FKBP14: variants seen among roughly 807,000 people sequenced by gnomAD.
FKBP14 encodes the protein FKBP prolyl isomerase 14, also known as peptidyl-prolyl cis-trans isomerase FKBP14.
FKBP14 carries 20 observed loss-of-function variants against 21.6 expected under a neutral mutation model. The observed-to-expected ratio is 0.92, with a 90% CI of 0.65 to 1.34. The LOEUF (loss-of-function observed/expected upper bound fraction) is 1.34. FKBP14 is among the 40% of genes most tolerant of loss of function. The pLI, the probability that FKBP14 is intolerant of heterozygous loss-of-function variation, is 0.00. For missense variants in FKBP14, 253 were observed against 249.0 expected, an observed-to-expected ratio of 1.02 and a Z score of -0.11; for synonymous variants, 79 against 86.7, an observed-to-expected ratio of 0.91 and a Z score of 0.49.
rs772620402 is a variant in FKBP14 at position 30,014,788 on chromosome 7, T to A, written c.583A>T (p.Lys195Ter). The A allele has an allele frequency of 6.2e-7, 1 of 1,611,732 alleles. No individual in the cohort carries two copies. The highest frequency in any genetic ancestry group is 1.1e-5 in the South Asian group (1 of 90,694). The change falls in exon 4 of 4, where the codon AAA (lysine) becomes TAA (stop). Residue 195 changes from lysine to a stop codon, truncating the protein, a stop_gained. Transcript: ENST00000222803. LOFTEE classifies it high-confidence loss of function. ...TCTCTGGCAGATATAAACCCATCTT[T>A]GTCTTCATCTTCTTTATCAAAAATA... ...EDIFDKEDED[K>*]DGFISAREFT...
At chr7:30,024,963 A>G (rs1790135696) in intron 1 of FKBP14, among the ~76,000 whole-genome samples, 1 of 152,204 alleles carries the variant, frequency 6.6e-6, no homozygotes, top group African/African-American at 2.4e-5. Flanking sequence ...CCACCGTGGC[A>G]CTCACCTAGT....
At chr7:30,020,186 A>T in intron 2 of FKBP14, 1 of 1,103,084 alleles carries the variant, frequency 9.1e-7, no homozygotes, top group Non-Finnish European at 1.1e-6. Flanking sequence ...TCCAAAGAGA[A>T]GACTTATAAA....
In FKBP14 at chr7:30,026,505, T is replaced by C; in HGVS notation, c.4A>G (p.Arg2Gly). 1 of 1,607,332 alleles carries C rather than the reference T, an allele frequency of 6.2e-7. No individual in the cohort carries two copies. The highest frequency in any genetic ancestry group is 8.5e-7 in the Non-Finnish European group (1 of 1,177,076). ...AAGACCGCGTTCCACAAGAAAAGCC[T>C]CATGTTGCTGAAGCAAGGAAAGAAG... Reference protein sequence around the residue: MRLFLWNAVLTL... With the variant: MGLFLWNAVLTL... Residue 2 changes from arginine (R) to glycine (G), a missense_variant, in exon 1 of 4, where the codon AGG becomes GGG. Coordinates refer to ENST00000222803, the MANE Select transcript of FKBP14 (RefSeq NM_017946.4).
intron 3 of FKBP14, among the ~76,000 whole-genome samples, chr7:30,016,308 A>G (rs1463357804): frequency 6.6e-6 from 1 of 152,102 alleles, no homozygotes; most frequent in Non-Finnish European, 1.5e-5. Flanking sequence ...ATGTGATTAG[A>G]TTGAGTCTAA....
In FKBP14 at chr7:30,019,005, A is replaced by G. The variant is rs1273014447; in HGVS notation, c.468T>C (p.Ser156=). The change falls in exon 3 of 4, where the codon TCT becomes TCC. Residue 156 remains serine (S), a synonymous_variant. Transcript: ENST00000222803. ...AAGAAGGAAAGGTCACCTCATCTTT[A>G]GAGAGTTTCCAGTCATCATTAAGAT... ...EMDLNDDWKL[S]KDEVKAYLKK... 9.9e-6 allele frequency: 16 copies of G among 1,609,348 alleles called. No individual in the cohort carries two copies. The highest frequency in any genetic ancestry group is 1.4e-5 in the Non-Finnish European group (16 of 1,178,548).
At chr7:30,025,533 T>C (rs910607662) in intron 1 of FKBP14, 1 of 152,214 alleles carries the variant, frequency 6.6e-6, no homozygotes, top group African/African-American at 2.4e-5. Context: ...TTCTGAATCT[T>C]CCTAGCACCC....
chr7:30,010,489 C>T (rs945785067), downstream of FKBP14: 1 of 152,168 alleles, frequency 6.6e-6, no homozygotes, highest in Non-Finnish European at 1.5e-5. Context: ...ACTACCTGTC[C>T]ATCTTCCTCA....
chr7:30,017,406 T>C (rs547856343), intron 3 of FKBP14, among the ~76,000 whole-genome samples: 3 of 151,834 alleles, frequency 2.0e-5, no homozygotes, highest in Non-Finnish European at 4.4e-5. Context: ...CTGTCTCTAT[T>C]AAAAATACGA....
chr7:30,007,754 A>G (rs1789642225), downstream of FKBP14, among the ~76,000 whole-genome samples: 1 of 152,192 alleles, frequency 6.6e-6, no homozygotes, highest in Non-Finnish European at 1.5e-5. Context: ...AAGCATGTTA[A>G]AATGCAGACT....
chr7:30,022,952 T>A (rs1583734662), intron 1 of FKBP14, 136 bp from the exon 2 acceptor site: 1 of 673,008 alleles, frequency 1.5e-6, no homozygotes, highest in East Asian at 2.9e-5. Flanking sequence ...TTTGCACACA[T>A]ACACACACAC....
chr7:30,015,691 T>C lies in FKBP14; in HGVS notation c.478-798A>G, dbSNP rs535067132. The stretch of plus-strand genomic sequence containing the variant: ...CCCAGGCTGGAGTGCAGTGGCGCAA[T>C]CTCGGCTCACTGCAAGCTCCGCCTC... On this transcript the variant is annotated intron_variant, in intron 3 of 3. Transcript: ENST00000222803. Among the ~76,000 whole-genome samples the C allele has an allele frequency of 1.8e-4, 26 of 146,480 alleles. No homozygotes were observed. In the East Asian group the frequency reaches 5.3e-3, roughly 30 times the overall value.
rs1450514692 is a variant in FKBP14, at chr7:30,011,012, T to C, written c.*3723A>G. 1 of 152,016 alleles carries C rather than the reference T, an allele frequency of 6.6e-6. No individual in the cohort carries two copies. Among genetic ancestry groups the C allele is most frequent in the Non-Finnish European group, 1.5e-5 (1 of 68,044 alleles). 9.4% of individuals were successfully genotyped at this position (152,016 alleles called of 1,614,324 possible). On this transcript the variant is annotated 3_prime_UTR_variant, in exon 4 of 4. Transcript: ENST00000222803. ...TAGAAAATTTACAGTAAGCTAAGGT[T>C]AGTTTTTTATTATTTCTATAAAAAT... is the stretch of plus-strand genomic sequence containing the variant.
chr7:30,017,143 T>TG (rs1378246624), intron 3 of FKBP14, among the ~76,000 whole-genome samples: 2 of 151,146 alleles, frequency 1.3e-5, no homozygotes, highest in African/African-American at 4.9e-5. Flanking sequence ...GGTGCAATGG[T>TG]GCATGCTTGT....
chr7:30,018,373 TAA>T (rs1486306491), intron 3 of FKBP14, among the ~76,000 whole-genome samples: 206 of 152,374 alleles, frequency 1.4e-3, no homozygotes, highest in African/African-American at 4.8e-3. Flanking sequence ...GCAGCCAGAC[TAA>T]GACAGGTATG....
At chr7:30,024,153 C>A (rs1015461743) in intron 1 of FKBP14, among the ~76,000 whole-genome samples, 2 of 152,160 alleles carry the variant, frequency 1.3e-5, no homozygotes, top group Non-Finnish European at 2.9e-5. Flanking sequence ...CTGTACTACG[C>A]TTCATGAGTA....
intron 1 of FKBP14, among the ~76,000 whole-genome samples, chr7:30,024,826 T>C (rs1199522543): frequency 6.6e-6 from 1 of 152,248 alleles, no homozygotes; most frequent in Non-Finnish European, 1.5e-5. Flanking sequence ...ATTCCATGGC[T>C]ACCACCAAAG....
rs756969683 is a variant in FKBP14, at chr7:30,026,686, C to T, written c.-178G>A. On this transcript the variant is annotated 5_prime_UTR_variant, in exon 1 of 4. Coordinates refer to ENST00000222803, the MANE Select transcript of FKBP14 (RefSeq NM_017946.4). ...TCTTTTCTCAAGGGTCACGAACCTA[C>T]CTTTAAAGAGTTAAGCCCAAATGCC... 1.8e-6 allele frequency: 1 copy of T among 556,864 alleles called. No homozygotes were observed. Among genetic ancestry groups the T allele is most frequent in the Non-Finnish European group, 3.1e-6 (1 of 324,010 alleles). 34.5% of individuals were successfully genotyped at this position (556,864 alleles called of 1,614,324 possible).
chr7:30,010,878 A>T lies in FKBP14; in HGVS notation c.*3857T>A, dbSNP rs921947172. On this transcript the variant is annotated 3_prime_UTR_variant, in exon 4 of 4. Coordinates refer to ENST00000222803, the MANE Select transcript of FKBP14 (RefSeq NM_017946.4). ...TCAAAATTTAAATAGATAAAAGCTT[A>T]TATAATAAGGATATAAGGAAAATAT... is the stretch of plus-strand genomic sequence containing the variant. 6.6e-6 allele frequency: 1 copy of T among 152,198 alleles called. No homozygotes were observed. Among genetic ancestry groups the T allele is most frequent in the Non-Finnish European group, 1.5e-5 (1 of 68,042 alleles). The allele number at this position is 152,198 out of a possible 1,614,324, so 9.4% of individuals were successfully genotyped here.
At chr7:30,020,473 A>G (rs764394709) in intron 2 of FKBP14, among the ~76,000 whole-genome samples, 1 of 152,222 alleles carries the variant, frequency 6.6e-6, no homozygotes, top group Non-Finnish European at 1.5e-5. Context: ...CCACTGGGAT[A>G]TGTCCCAAGA....
Sources: gnomAD v4.1 joint callset for allele counts (sites outside exome capture counted in the v4.1 genomes callset) on GRCh38, gnomAD v4.1.1 for gene constraint, MANE v1.5 for transcripts, NCBI Gene and HGNC (gene_info 2026-07-23, HGNC 2026-07-21) for gene names.